The following TENM3 variants were observed in gnomAD, a reference collection of about 807,000 sequenced individuals.
The protein encoded by TENM3 is teneurin transmembrane protein 3, also known as teneurin-3.
In TENM3, 63 loss-of-function variants were observed where a neutral mutation model predicts 255.1. The observed-to-expected ratio is 0.25, with a 90% CI of 0.20 to 0.30. TENM3 has a LOEUF of 0.30. TENM3 is among the 10% of genes least tolerant of loss of function. The pLI is 1.00. For synonymous variants in TENM3, 1,306 were observed against 1,322.3 expected (o/e 0.99, Z 0.27); for missense variants, 2,929 against 3,461.1 (o/e 0.85, Z 3.86).
At chr4:182,264,264 C>CT (rs1396433739) in intron 1 of TENM3, among the ~76,000 whole-genome samples, 2 of 152,214 alleles carry the variant, frequency 1.3e-5, no homozygotes, top group Non-Finnish European at 2.9e-5. Context: ...CTTGGAACAC[C>CT]TGCAAGCCCG....
At chr4:181,827,493 C>T in the TENM3 span, among the ~76,000 whole-genome samples, 5 of 152,200 alleles carry the variant, frequency 3.3e-5, no homozygotes, top group Admixed American at 6.5e-5. Flanking sequence ...ACCAGCACAG[C>T]GCTTTTCTGC....
Position 182,679,827 on chromosome 4 carries a change from T to C in TENM3, c.1488T>C (p.Tyr496=), listed in dbSNP as rs1561097524. 6.2e-7 allele frequency: 1 copy of C among 1,613,756 alleles called. No individual in the cohort carries two copies. Among genetic ancestry groups the C allele is most frequent in the African/African-American group, 1.3e-5 (1 of 75,050 alleles). ...CTGGAATCTGGCATCTGGCTTTTTA[T>C]AATGATGGGAAAAATGCAGAGCAGG... is the stretch of plus-strand genomic sequence containing the variant. ...LDSGIWHLAF[Y]NDGKNAEQVS... is the part of the protein sequence containing the mutation. Residue 496 remains tyrosine (Y), a synonymous_variant, in exon 8 of 28, where the codon TAT becomes TAC. Coordinates refer to ENST00000511685, the MANE Select transcript of TENM3 (RefSeq NM_001080477.4).
chr4:181,886,422 A>G, the TENM3 span, among the ~76,000 whole-genome samples: 31 of 152,222 alleles, frequency 2.0e-4, no homozygotes, highest in Non-Finnish European at 3.4e-4. Context: ...TAAATGAACT[A>G]CAAATGTATT....
chr4:182,800,601 A>G lies in TENM3; in HGVS notation c.*250A>G. Reference sequence around the variant, plus strand: ...CGGACTGAACGTAGCCAGAGGAAAAAAAAATCATCAAGGACAAAGGCCTCG... The same window carrying G: ...CGGACTGAACGTAGCCAGAGGAAAAGAAAATCATCAAGGACAAAGGCCTCG... On this transcript the variant is annotated 3_prime_UTR_variant, in exon 28 of 28. Coordinates refer to ENST00000511685, the MANE Select transcript of TENM3 (RefSeq NM_001080477.4). 2.5e-6 allele frequency: 1 copy of G among 393,432 alleles called. No homozygotes were observed. Among genetic ancestry groups the G allele is most frequent in the South Asian group, 4.8e-5 (1 of 21,042 alleles). The allele number at this position is 393,432 out of a possible 1,614,324, so 24.4% of individuals were successfully genotyped here. A position where few individuals can be genotyped will look rare whatever the true frequency, so the allele number is the denominator to read the frequency against.
chr4:181,624,058 G>C, the TENM3 span, among the ~76,000 whole-genome samples: 2 of 152,182 alleles, frequency 1.3e-5, no homozygotes, highest in Admixed American at 1.3e-4. Context: ...TTGGGTGTGG[G>C]AGGAGAACTT....
chr4:181,719,087 T>C, the TENM3 span, among the ~76,000 whole-genome samples: 4 of 151,372 alleles, frequency 2.6e-5, no homozygotes, highest in Admixed American at 1.3e-4. Context: ...GCGCCTGTAG[T>C]CCCAGCTACT....
chr4:182,434,889 C>T (rs1771936970), intron 3 of TENM3, among the ~76,000 whole-genome samples: 1 of 152,126 alleles, frequency 6.6e-6, no homozygotes, highest in Non-Finnish European at 1.5e-5. Context: ...AGCTGAAAGA[C>T]AGCCACACAG....
intron 6 of TENM3, among the ~76,000 whole-genome samples, chr4:182,658,839 C>T (rs1753976276): frequency 6.6e-6 from 1 of 152,186 alleles, no homozygotes; most frequent in Non-Finnish European, 1.5e-5. Context: ...CATCTGTTGA[C>T]CTGAGCTCAA....
intron 1 of TENM3, among the ~76,000 whole-genome samples, chr4:182,291,787 A>C (rs1761143151): frequency 1.3e-5 from 2 of 152,172 alleles, no homozygotes; most frequent in African/African-American, 4.8e-5. Context: ...CACGGGCTGC[A>C]GAGACACCCA....
At chr4:181,480,971 TA>T in the TENM3 span, among the ~76,000 whole-genome samples, 1 of 151,634 alleles carries the variant, frequency 6.6e-6, no homozygotes, top group Non-Finnish European at 1.5e-5. Flanking sequence ...TGAAAATGAA[TA>T]TGGAGATTTC....
chr4:182,344,637 C>A (rs1481104512), intron 2 of TENM3, among the ~76,000 whole-genome samples: 1 of 152,006 alleles, frequency 6.6e-6, no homozygotes, highest in Admixed American at 6.6e-5. Flanking sequence ...TTGTTACTGG[C>A]CTTTTATTTC....
the TENM3 span, among the ~76,000 whole-genome samples, chr4:181,612,898 C>T: frequency 3.9e-5 from 6 of 152,244 alleles, no homozygotes; most frequent in East Asian, 3.9e-4. Context: ...ATTTGAGGGA[C>T]GTTAAATCCT....
At chr4:181,605,548 A>G in the TENM3 span, among the ~76,000 whole-genome samples, 2,133 of 31,888 alleles carry the variant, frequency 0.067, 272 homozygotes, top group African/African-American at 0.073. Flanking sequence ...GAAAGAAAGA[A>G]AGAAAGAAAG....
the TENM3 span, among the ~76,000 whole-genome samples, chr4:181,742,171 TA>T: frequency 0.037 from 5,617 of 151,844 alleles, 159 homozygotes; most frequent in Middle Eastern, 0.12. Flanking sequence ...TTTTTACCTT[TA>T]AAAAAAACAG....
chr4:182,736,207 G>A (rs1041112425), intron 16 of TENM3, among the ~76,000 whole-genome samples: 2 of 152,138 alleles, frequency 1.3e-5, no homozygotes, highest in Non-Finnish European at 2.9e-5. Flanking sequence ...TAACCCAAAC[G>A]ATTGGGTGTT....
At chr4:182,254,065 T>G (rs984478181) in intron 1 of TENM3, among the ~76,000 whole-genome samples, 1 of 152,230 alleles carries the variant, frequency 6.6e-6, no homozygotes, top group African/African-American at 2.4e-5. Flanking sequence ...GATGTTTTAA[T>G]TATTATATTG....
At chr4:181,844,546 T>C in the TENM3 span, among the ~76,000 whole-genome samples, 1 of 151,794 alleles carries the variant, frequency 6.6e-6, no homozygotes, top group African/African-American at 2.4e-5. Context: ...CGGGCGCCTG[T>C]AGTCCCAGCT....
intron 3 of TENM3, among the ~76,000 whole-genome samples, chr4:182,574,848 T>A (rs983837800): frequency 2.0e-5 from 3 of 152,166 alleles, no homozygotes; most frequent in Non-Finnish European, 2.9e-5. Context: ...GGTATTTTAT[T>A]CTACTCCCAG....
rs61205167 is a variant in TENM3 at position 182,349,521 on chromosome 4, C to T, written c.511+2592C>T. Among the ~76,000 whole-genome samples, 1,431 of 152,166 alleles carry T rather than the reference C, an allele frequency of 9.4e-3. 29 individuals are homozygous for T. The highest frequency in any genetic ancestry group is 0.033 in the African/African-American group (1,382 of 41,526). ...TTTGAATTGTGGAATTAAACAATAG[C>T]ACTGAGGATTTTTTTCCTGATATTA... is the stretch of plus-strand genomic sequence containing the variant. On this transcript the variant is annotated intron_variant, in intron 3 of 27. Transcript: ENST00000511685.
Sources: allele counts gnomAD v4.1 joint callset (sites outside exome capture counted in the v4.1 genomes callset), GRCh38; gene constraint gnomAD v4.1.1; transcripts MANE v1.5; gene names NCBI Gene and HGNC (gene_info 2026-07-23, HGNC 2026-07-21).